Variants in CLCC1 observed in about 807,000 individuals in gnomAD.
CLCC1 encodes chloride channel CLIC-like protein 1.
Under a neutral mutation model 63.3 loss-of-function variants are expected in CLCC1, and 39 were observed. That is an observed-to-expected ratio of 0.62 (90% CI 0.48 to 0.81). The LOEUF is 0.81. CLCC1 is among the 30% of genes least tolerant of loss of function. CLCC1 has a pLI of 0.00. For synonymous variants in CLCC1, 217 were observed against 239.8 expected (o/e 0.90, Z 0.88); for missense variants, 549 against 669.4 (o/e 0.82, Z 1.98).
intron 2 of CLCC1, among the ~76,000 whole-genome samples, chr1:108,961,752 G>A (rs559836571): frequency 6.6e-6 from 1 of 152,050 alleles, no homozygotes; most frequent in Non-Finnish European, 1.5e-5. Flanking sequence ...CCAGCTACTC[G>A]GGAGGCTGGG....
At chr1:108,960,419 G>A (rs1037724324) in intron 2 of CLCC1, among the ~76,000 whole-genome samples, 3 of 152,084 alleles carry the variant, frequency 2.0e-5, no homozygotes, top group African/African-American at 7.2e-5. Flanking sequence ...AACAAAGTCT[G>A]GAAAAAAGCC....
chr1:108,954,010 CAAA>C (rs11463360), intron 2 of CLCC1, among the ~76,000 whole-genome samples: 4 of 98,032 alleles, frequency 4.1e-5, no homozygotes, highest in African/African-American at 4.1e-5. Flanking sequence ...AACTCCGTCT[CAAA>C]AAAAAAAAAA....
chr1:108,949,947 A>G, intron 3 of CLCC1, 26 bp from the exon 4 acceptor site: 1 of 1,373,560 alleles, frequency 7.3e-7, no homozygotes, highest in Non-Finnish European at 1.0e-6. Context: ...GAAACATTTT[A>G]TTTCTTTATA....
chr1:108,953,335 C>G (rs994112162), intron 2 of CLCC1, among the ~76,000 whole-genome samples: 1 of 152,230 alleles, frequency 6.6e-6, no homozygotes, highest in African/African-American at 2.4e-5. Flanking sequence ...CACAATAGCT[C>G]TCAACCTTGG....
chr1:108,963,232 G>C (rs1194384365), intron 1 of CLCC1, 129 bp downstream of exon 1: 3 of 584,718 alleles, frequency 5.1e-6, no homozygotes, highest in African/African-American at 3.8e-5. Flanking sequence ...CAGCTAGCAC[G>C]GTCCCCGCCC....
At chr1:108,939,554 C>G (rs1367255069) in intron 10 of CLCC1, 82 bp downstream of exon 10, 3 of 1,264,834 alleles carry the variant, frequency 2.4e-6, no homozygotes, top group Non-Finnish European at 2.2e-6. Context: ...CGTGATCCGC[C>G]CGCCTAGGCC....
At chr1:108,939,589 G>T (rs377235086) in intron 10 of CLCC1, 47 bp downstream of exon 10, 15 of 1,574,352 alleles carry the variant, frequency 9.5e-6, no homozygotes, top group African/African-American at 1.4e-5. Flanking sequence ...GATTACAGGC[G>T]TGAGCCACCG....
chr1:108,938,402 C>T (rs1451930482), intron 10 of CLCC1, among the ~76,000 whole-genome samples: 1 of 152,030 alleles, frequency 6.6e-6, no homozygotes, highest in Non-Finnish European at 1.5e-5. Context: ...CTAATGTCAC[C>T]TAACAAAAAA....
In CLCC1 at chr1:108,929,933, A is replaced by G. The variant is rs1418857733; in HGVS notation, c.*2614T>C. 1.9e-6 allele frequency: 3 copies of G among 1,612,874 alleles called. No homozygotes were observed. The highest frequency in any genetic ancestry group is 2.5e-6 in the Non-Finnish European group (3 of 1,179,092). ...AAAAATTCAGGGAAAAAATCGGCAG[A>G]CCATTAGTTACTATGGATTTATTTT... is the stretch of plus-strand genomic sequence containing the variant. On this transcript the variant is annotated 3_prime_UTR_variant, in exon 13 of 13. Transcript: ENST00000369969.
chr1:108,939,926 C>CAA (rs1209547300), intron 9 of CLCC1, 119 bp downstream of exon 9: 8 of 1,272,922 alleles, frequency 6.3e-6, no homozygotes, highest in Non-Finnish European at 7.6e-6. Context: ...AATCACTGTG[C>CAA]AAAAGTATTT....
At chr1:108,958,227 T>A (rs9726047) in intron 2 of CLCC1, among the ~76,000 whole-genome samples, 22,655 of 151,306 alleles carry the variant, frequency 0.15, 2,402 homozygotes, top group African/African-American at 0.24. Flanking sequence ...ATCTACGGTT[T>A]TGCTTTCTGA....
At chr1:108,940,757 C>T (rs2101642519) in intron 8 of CLCC1, among the ~76,000 whole-genome samples, 1 of 152,228 alleles carries the variant, frequency 6.6e-6, no homozygotes, top group South Asian at 2.1e-4. Context: ...TCCACTGAAG[C>T]CAGGAAGGAA....
At chr1:108,945,577 G>T (rs1654433858) in intron 5 of CLCC1, among the ~76,000 whole-genome samples, 1 of 152,156 alleles carries the variant, frequency 6.6e-6, no homozygotes, top group Non-Finnish European at 1.5e-5. Context: ...ACTTAATGAG[G>T]TCAATTCATA....
chr1:108,942,971 A>G (rs948441727), intron 7 of CLCC1, among the ~76,000 whole-genome samples: 3 of 151,910 alleles, frequency 2.0e-5, no homozygotes, highest in Admixed American at 6.6e-5. Context: ...GCTGGAGTGC[A>G]GCAGCGCAAT....
intron 2 of CLCC1, among the ~76,000 whole-genome samples, chr1:108,954,619 G>T (rs1265481410): frequency 1.3e-5 from 2 of 151,302 alleles, no homozygotes; most frequent in Non-Finnish European, 2.9e-5. Flanking sequence ...GCCTAAAAGA[G>T]TGGTGGCAAG....
intron 6 of CLCC1, 21 bp downstream of exon 6, chr1:108,943,815 C>T (rs1341273017): frequency 6.4e-7 from 1 of 1,574,564 alleles, no homozygotes; most frequent in African/African-American, 1.4e-5. Context: ...TGACGTTGCC[C>T]TTGCCCTCAT....
At chr1:108,933,671 G>A (rs1027612455) in intron 12 of CLCC1, 1 of 152,204 alleles carries the variant, frequency 6.6e-6, no homozygotes, top group Non-Finnish European at 1.5e-5. Flanking sequence ...GTCTGCTAAG[G>A]ACAGGTACAA....
intron 2 of CLCC1, among the ~76,000 whole-genome samples, chr1:108,950,820 G>C: frequency 6.6e-6 from 1 of 152,060 alleles, no homozygotes; most frequent in Non-Finnish European, 1.5e-5. Context: ...CAGCCAGATT[G>C]TTTTGTAATG....
intron 4 of CLCC1, among the ~76,000 whole-genome samples, chr1:108,949,213 T>C (rs913213659): frequency 7.2e-5 from 11 of 152,190 alleles, no homozygotes; most frequent in African/African-American, 2.7e-4. Flanking sequence ...CCCTTCTCCA[T>C]TCCAGGCCTC....
Sources: gnomAD v4.1 joint callset for allele counts (sites outside exome capture counted in the v4.1 genomes callset) on GRCh38, gnomAD v4.1.1 for gene constraint, MANE v1.5 for transcripts, NCBI Gene and HGNC (gene_info 2026-07-23, HGNC 2026-07-21) for gene names.